The following ST6GAL2 variants were observed in gnomAD, a reference collection of about 807,000 sequenced individuals.
The protein encoded by ST6GAL2 is ST6 beta-galactoside alpha-2,6-sialyltransferase 2.
In ST6GAL2, 24 loss-of-function variants were observed where a neutral mutation model predicts 37.5. That is an observed-to-expected ratio of 0.64 (90% CI 0.46 to 0.90). The LOEUF (loss-of-function observed/expected upper bound fraction) is 0.90. Ranked by LOEUF, ST6GAL2 falls within the 40% of genes least tolerant of loss-of-function variation. The probability of loss-of-function intolerance (pLI) is 0.00; values close to 1 mark genes in which losing one functional copy is unlikely to be tolerated. For synonymous variants in ST6GAL2, 306 were observed against 295.1 expected, an observed-to-expected ratio of 1.04 and a Z score of -0.38; for missense variants, 715 against 712.7, an observed-to-expected ratio of 1.00 and a Z score of -0.04.
At chr2:106,877,406 C>T (rs1213445040) in intron 1 of ST6GAL2, among the ~76,000 whole-genome samples, 1 of 152,226 alleles carries the variant, frequency 6.6e-6, no homozygotes, top group Non-Finnish European at 1.5e-5. Flanking sequence ...AGAAGGCCTG[C>T]GAGCTCCACA....
rs1368519509 is a variant in ST6GAL2, at chr2:106,805,958, T to C, written c.*720A>G. 6.6e-6 allele frequency: 1 copy of C among 152,334 alleles called. No homozygotes were observed. The highest frequency in any genetic ancestry group is 1.5e-5 in the Non-Finnish European group (1 of 68,140). 9.4% of individuals were successfully genotyped at this position (152,334 alleles called of 1,614,324 possible). A position where few individuals can be genotyped will look rare whatever the true frequency, so the allele number is the denominator to read the frequency against. Reference sequence around the variant, plus strand: ...CTGGTGGATGTGATACTAATGTTCCTGGTTGAAATACTGCAGGGAAACAAA... The same window carrying C: ...CTGGTGGATGTGATACTAATGTTCCCGGTTGAAATACTGCAGGGAAACAAA... On this transcript the variant is annotated 3_prime_UTR_variant, in exon 6 of 6. Transcript: ENST00000409382.
chr2:106,868,739 T>C (rs1678139021), intron 1 of ST6GAL2, among the ~76,000 whole-genome samples: 1 of 152,178 alleles, frequency 6.6e-6, no homozygotes, highest in Non-Finnish European at 1.5e-5. Flanking sequence ...ACCATCTGTG[T>C]AGAGTTTGGG....
Position 106,830,873 on chromosome 2 carries a change from T to A in ST6GAL2, c.1144-633A>T, listed in dbSNP as rs6708895. Among the ~76,000 whole-genome samples, 1,001 of 152,278 alleles carry A rather than the reference T, an allele frequency of 6.6e-3. 15 individuals carry two copies. The highest frequency in any genetic ancestry group is 0.023 in the African/African-American group (938 of 41,564). On this transcript the variant is annotated intron_variant, in intron 4 of 5. Coordinates refer to ENST00000409382, the MANE Select transcript of ST6GAL2 (RefSeq NM_001142351.2). ...GAAATATTCCAGTTTTTCATTGTGG[T>A]GGTAGATACATGAGTGTATAAATTT...
At chr2:106,854,551 GTAATT>G (rs1288291770) in intron 1 of ST6GAL2, among the ~76,000 whole-genome samples, 4 of 152,200 alleles carry the variant, frequency 2.6e-5, no homozygotes, top group African/African-American at 7.2e-5. Context: ...ATTACATACA[GTAATT>G]TAATTTATAT....
chr2:106,817,917 C>A (rs1675862893), intron 5 of ST6GAL2, among the ~76,000 whole-genome samples: 1 of 152,036 alleles, frequency 6.6e-6, no homozygotes, highest in South Asian at 2.1e-4. Context: ...CTTAAATGTA[C>A]ATTGGTGGAA....
intron 1 of ST6GAL2, among the ~76,000 whole-genome samples, chr2:106,873,040 C>T (rs569418960): frequency 5.3e-5 from 8 of 152,242 alleles, no homozygotes; most frequent in South Asian, 2.1e-4. Flanking sequence ...CTAAACAAAA[C>T]GCTCACTCAG....
intron 1 of ST6GAL2, among the ~76,000 whole-genome samples, chr2:106,857,193 T>A (rs1168472180): frequency 6.6e-6 from 1 of 152,206 alleles, no homozygotes; most frequent in East Asian, 1.9e-4. Flanking sequence ...GGACCTAACA[T>A]CTTGCTTTTT....
At chr2:106,882,264 A>C (rs1678781763) in intron 1 of ST6GAL2, among the ~76,000 whole-genome samples, 1 of 152,160 alleles carries the variant, frequency 6.6e-6, no homozygotes, top group African/African-American at 2.4e-5. Context: ...CAATTACAGG[A>C]GTTGTCATTC....
In ST6GAL2 at chr2:106,803,062, C is replaced by T. The variant is rs1433930207; in HGVS notation, c.*3616G>A. 1 of 152,206 alleles carries T rather than the reference C, an allele frequency of 6.6e-6. No individual in the cohort carries two copies. The highest frequency in any genetic ancestry group is 1.5e-5 in the Non-Finnish European group (1 of 68,058). 9.4% of individuals were successfully genotyped at this position (152,206 alleles called of 1,614,324 possible). A position where few individuals can be genotyped will look rare whatever the true frequency, so the allele number is the denominator to read the frequency against. On this transcript the variant is annotated 3_prime_UTR_variant, in exon 6 of 6. Coordinates refer to ENST00000409382, the MANE Select transcript of ST6GAL2 (RefSeq NM_001142351.2). ...GTTACTGCTCAGAAGAGTCAATCAG[C>T]AGCGTAAGTATGATCTGTCCAGCAG...
At chr2:106,876,597 TG>T (rs1488623502) in intron 1 of ST6GAL2, among the ~76,000 whole-genome samples, 1 of 152,120 alleles carries the variant, frequency 6.6e-6, no homozygotes, top group Non-Finnish European at 1.5e-5. Flanking sequence ...GAGTACCCAT[TG>T]GGGGACAGTG....
rs528424981 is a variant in ST6GAL2 at position 106,843,388 on chromosome 2, G to A, written c.590C>T (p.Ser197Phe). Residue 197 changes from serine (S) to phenylalanine (F), a missense_variant, in exon 2 of 6, where the codon TCC (serine) becomes TTC (phenylalanine). Around this residue, in one of 3 missense-constraint regions of ST6GAL2, gnomAD observed 512 missense variants for 488.8 expected, o/e 1.05. Transcript: ENST00000409382. ...EEGDDGDRLY[S>F]SMSRAFLYRL... The stretch of plus-strand genomic sequence containing the variant: ...GTACAGGAAGGCCCTGGACATGGAG[G>A]AGTACAGCCTGTCGCCGTCGTCGCC... 1.6e-4 allele frequency: 262 copies of A among 1,614,140 alleles called. 4 individuals carry two copies. The Middle Eastern group carries it at 2.6e-3, about 16-fold the overall frequency.
intron 1 of ST6GAL2, among the ~76,000 whole-genome samples, chr2:106,845,107 G>A (rs1490315972): frequency 6.6e-6 from 1 of 152,180 alleles, no homozygotes; most frequent in Non-Finnish European, 1.5e-5. Flanking sequence ...TATTGGCTGG[G>A]TAAATGATCT....
chr2:106,856,911 T>C (rs745399556), intron 1 of ST6GAL2, among the ~76,000 whole-genome samples: 34 of 152,208 alleles, frequency 2.2e-4, no homozygotes, highest in Admixed American at 5.2e-4. Context: ...GATTTAATAA[T>C]ATGCCACAGG....
chr2:106,835,775 C>T (rs572609174), intron 2 of ST6GAL2, among the ~76,000 whole-genome samples: 1 of 152,324 alleles, frequency 6.6e-6, no homozygotes, highest in Non-Finnish European at 1.5e-5. Flanking sequence ...GTAAAAAAGT[C>T]TGCCAATCTC....
rs534540440 is a variant in ST6GAL2, at chr2:106,842,485, C to A, written c.943+550G>T. On this transcript the variant is annotated intron_variant, in intron 2 of 5. Transcript: ENST00000409382. ...CCCATGGGAAAGATGTTCCCAACAGCAGCTGGGCTCTTCTCAGAGCTCACA... is the reference window on the plus strand; with the variant it reads ...CCCATGGGAAAGATGTTCCCAACAGAAGCTGGGCTCTTCTCAGAGCTCACA... 1.4e-4 allele frequency among the ~76,000 whole-genome samples: 21 copies of A among 152,324 alleles called. No individual in the cohort carries two copies. The East Asian group carries it at 4.1e-3, about 29-fold the overall frequency.
upstream of ST6GAL2, chr2:106,886,269 C>T (rs1300468514): frequency 6.6e-6 from 1 of 152,178 alleles, no homozygotes; most frequent in African/African-American, 2.4e-5. Context: ...GAGCTGGGAC[C>T]CTGGCCGGGG....
chr2:106,881,436 C>G (rs1164671503), intron 1 of ST6GAL2, among the ~76,000 whole-genome samples: 1 of 152,178 alleles, frequency 6.6e-6, no homozygotes, highest in Non-Finnish European at 1.5e-5. Context: ...ATTTAGAAAA[C>G]AAATCCCATA....
chr2:106,876,327 T>G (rs1460153086), intron 1 of ST6GAL2, among the ~76,000 whole-genome samples: 2 of 152,172 alleles, frequency 1.3e-5, no homozygotes, highest in African/African-American at 4.8e-5. Flanking sequence ...ACTGAACAAA[T>G]GGCAAAACTA....
At chr2:106,827,589 T>C (rs1241424907) in intron 5 of ST6GAL2, among the ~76,000 whole-genome samples, 10 of 152,138 alleles carry the variant, frequency 6.6e-5, no homozygotes, top group African/African-American at 2.4e-4. Context: ...AACTGAGGGA[T>C]TTCTTATCAA....
Sources: allele counts gnomAD v4.1 joint callset (sites outside exome capture counted in the v4.1 genomes callset), GRCh38; gene constraint gnomAD v4.1.1; regional missense constraint gnomAD v4.1.1; transcripts MANE v1.5; gene names NCBI Gene and HGNC (gene_info 2026-07-23, HGNC 2026-07-21).